The following TNKS2 variants were observed in gnomAD, a reference collection of about 807,000 sequenced individuals.
TNKS2 encodes tankyrase 2.
In TNKS2, 72 loss-of-function variants were observed where a neutral mutation model predicts 137.6. The ratio of observed to expected loss-of-function variants is 0.52; its 90% confidence interval spans 0.43 to 0.64. The LOEUF is 0.64. TNKS2 is among the 30% of genes least tolerant of loss of function. TNKS2 has a pLI of 0.00. For missense variants in TNKS2, 1,049 were observed against 1,410.2 expected (o/e 0.74, Z 4.10); for synonymous variants, 516 against 512.1 (o/e 1.01, Z -0.10).
intron 12 of TNKS2, 169 bp from the exon 13 acceptor site, chr10:91,836,750 T>A: frequency 1.0e-6 from 1 of 985,448 alleles, no homozygotes; most frequent in Non-Finnish European, 1.2e-6. Flanking sequence ...TTTAAGAGAA[T>A]CTTATTTTTC....
At chr10:91,816,141 G>A (rs1490783121) in intron 2 of TNKS2, among the ~76,000 whole-genome samples, 1 of 151,760 alleles carries the variant, frequency 6.6e-6, no homozygotes, top group East Asian at 1.9e-4. Context: ...GTAGAGAGGG[G>A]GTTTCACCAT....
chr10:91,815,828 A>C (rs558370091), intron 2 of TNKS2, among the ~76,000 whole-genome samples: 2 of 152,192 alleles, frequency 1.3e-5, no homozygotes, highest in Non-Finnish European at 2.9e-5. Flanking sequence ...ACAGGAGCTG[A>C]GCTTCCTTTC....
intron 1 of TNKS2, among the ~76,000 whole-genome samples, chr10:91,799,515 G>T (rs940136766): frequency 1.3e-5 from 2 of 152,226 alleles, no homozygotes; most frequent in Admixed American, 6.5e-5. Flanking sequence ...ACACATACAA[G>T]TTGGGCGGAA....
intron 25 of TNKS2, among the ~76,000 whole-genome samples, chr10:91,860,514 G>GA (rs1435501782): frequency 6.6e-6 from 1 of 152,030 alleles, no homozygotes; most frequent in Non-Finnish European, 1.5e-5. Flanking sequence ...CACTGATCTA[G>GA]AAAAAAACCC....
In TNKS2 at chr10:91,807,834, A is replaced by T. The variant is rs543352508; in HGVS notation, c.200-5149A>T. Among the ~76,000 whole-genome samples, 25 of 152,116 alleles carry T rather than the reference A, an allele frequency of 1.6e-4. No homozygotes were observed. The South Asian group carries it at 5.2e-3, about 32-fold the overall frequency. Reference sequence around the variant, plus strand: ...ATGGTGAAACCCCCCCTTTACTAAAAATACAAAAAAAATTAGCCAGGCGTG... The same window carrying T: ...ATGGTGAAACCCCCCCTTTACTAAATATACAAAAAAAATTAGCCAGGCGTG... On this transcript the variant is annotated intron_variant, in intron 1 of 26. Coordinates refer to ENST00000371627, the MANE Select transcript of TNKS2 (RefSeq NM_025235.4).
intron 1 of TNKS2, among the ~76,000 whole-genome samples, chr10:91,805,647 C>T (rs1844302526): frequency 6.6e-6 from 1 of 152,302 alleles, no homozygotes; most frequent in East Asian, 1.9e-4. Flanking sequence ...ACTCTCCTTT[C>T]TGGGGGAGTT....
At position 91,855,073 on chromosome 10, in the gene TNKS2, A is replaced by G. The variant is rs1298071444; in HGVS notation, c.2860A>G (p.Ile954Val). The change falls in exon 22 of 27, where the codon ATT becomes GTT. Residue 954 changes from isoleucine (I) to valine (V), a missense_variant. Coordinates refer to ENST00000371627, the MANE Select transcript of TNKS2 (RefSeq NM_025235.4). ...LTLNTSGSGT[I>V]LIDLSPDDKE... is the part of the protein sequence containing the mutation. The stretch of plus-strand genomic sequence containing the variant: ...TTTGAACACCTCTGGTAGTGGAACA[A>G]TTCTTATAGATCTGTCTCCTGATGA... 2.5e-6 allele frequency: 4 copies of G among 1,612,408 alleles called. No individual in the cohort carries two copies. The South Asian group carries it at 3.3e-5, about 13-fold the overall frequency.
chr10:91,861,543 A>G (rs2133687629), intron 25 of TNKS2, among the ~76,000 whole-genome samples: 1 of 152,378 alleles, frequency 6.6e-6, no homozygotes, highest in Admixed American at 6.5e-5. Flanking sequence ...CCAGGTGAAT[A>G]TTTCAGTGAT....
intron 1 of TNKS2, among the ~76,000 whole-genome samples, chr10:91,810,359 CAG>C (rs931692934): frequency 2.0e-5 from 3 of 151,090 alleles, no homozygotes; most frequent in African/African-American, 7.3e-5. Context: ...GCCTGGGTGA[CAG>C]AGTGAGACTC....
intron 13 of TNKS2, 111 bp downstream of exon 13, chr10:91,837,109 A>G (rs1842049012): frequency 2.0e-6 from 2 of 1,005,422 alleles, no homozygotes; most frequent in East Asian, 2.9e-5. Flanking sequence ...GCCTTGCCTT[A>G]AAAGGTCAAT....
Position 91,840,657 on chromosome 10 carries a change from G to A in TNKS2, c.1624G>A (p.Val542Met), listed in dbSNP as rs143595087. 263 of 1,614,032 alleles carry A rather than the reference G, an allele frequency of 1.6e-4. 1 individual carries two copies. The highest frequency in any genetic ancestry group is 1.2e-4 in the Admixed American group (7 of 60,004). ...AGCTGGGTATAACAGAGTGTCCGTGGTGGAATATCTGCTACAGCATGGAGC... is the reference window on the plus strand; with the variant it reads ...AGCTGGGTATAACAGAGTGTCCGTGATGGAATATCTGCTACAGCATGGAGC... ...FAAGYNRVSVVEYLLQHGADV... is the reference protein window; with the variant it reads ...FAAGYNRVSVMEYLLQHGADV... The change falls in exon 14 of 27, where the codon GTG becomes ATG. Residue 542 changes from valine to methionine, a missense_variant. Val to Met is a conservative substitution (Grantham distance 21). This residue lies in a region of TNKS2 where 328 missense variants were observed against 436.0 expected (regional missense o/e 0.75). Coordinates refer to ENST00000371627, the MANE Select transcript of TNKS2 (RefSeq NM_025235.4).
intron 13 of TNKS2, 31 bp downstream of exon 13, chr10:91,837,029 T>C (rs1349255266): frequency 6.2e-7 from 1 of 1,604,790 alleles, no homozygotes. Flanking sequence ...TCTGTTAACT[T>C]TGGGTTTTTA....
At chr10:91,842,581 C>A (rs955967869) in intron 16 of TNKS2, among the ~76,000 whole-genome samples, 190 bp downstream of exon 16, 1 of 152,048 alleles carries the variant, frequency 6.6e-6, no homozygotes, top group African/African-American at 2.4e-5. Context: ...TGAGAGCAGC[C>A]TGGGCAACAT....
Position 91,836,000 on chromosome 10 carries a change from CGTGTGTGT to C in TNKS2, c.1448-894_1448-887del, listed in dbSNP as rs58777939. ...CAAAGTACTCCTTTCATAAGAATAC[CGTGTGTGT>C]GTGTGTGTGTGTGTGTGTGTGTGTA... is the stretch of plus-strand genomic sequence containing the variant. On this transcript the variant is annotated intron_variant, in intron 12 of 26. Transcript: ENST00000371627. Among the ~76,000 whole-genome samples, 586 of 113,050 alleles carry C rather than the reference CGTGTGTGT, an allele frequency of 5.2e-3. 4 individuals are homozygous for C. Among genetic ancestry groups the C allele is most frequent in the African/African-American group, 0.016 (459 of 28,716 alleles). The allele number at this position is 113,050 out of a possible 152,430, so 74.2% of individuals were successfully genotyped here.
intron 1 of TNKS2, among the ~76,000 whole-genome samples, chr10:91,809,508 T>C (rs1328037544): frequency 2.0e-5 from 3 of 151,552 alleles, no homozygotes; most frequent in Admixed American, 1.3e-4. Flanking sequence ...CTACTAAAAA[T>C]ACAAAAAATT....
chr10:91,821,074 G>T (rs995044751), intron 6 of TNKS2, among the ~76,000 whole-genome samples: 2 of 152,004 alleles, frequency 1.3e-5, no homozygotes, highest in Non-Finnish European at 2.9e-5. Flanking sequence ...GTCTTGCTCT[G>T]TCGCCCAGGC....
At chr10:91,819,878 T>C (rs1844829480) in intron 5 of TNKS2, 61 bp from the exon 6 acceptor site, 1 of 1,340,992 alleles carries the variant, frequency 7.5e-7, no homozygotes, top group South Asian at 1.4e-5. Context: ...GTTTTTTCCC[T>C]CTCACACATT....
intron 7 of TNKS2, among the ~76,000 whole-genome samples, chr10:91,823,362 C>T (rs2901510): frequency 0.7 from 93,110 of 133,850 alleles, 33,310 homozygotes; most frequent in East Asian, 0.91. Flanking sequence ...GAGTCTCGCT[C>T]TGTCGCCCAG....
At position 91,862,933 on chromosome 10, in the gene TNKS2, C is replaced by A; in HGVS notation, c.3439-4C>A. ...CATTATTTGAATTTATCTTTCTCTT[C>A]CAGGCTTATCCTGAGTATTTAATTA... is the stretch of plus-strand genomic sequence containing the variant. On this transcript the variant is annotated splice_polypyrimidine_tract_variant and splice_region_variant and intron_variant, in intron 26 of 26. Coordinates refer to ENST00000371627, the MANE Select transcript of TNKS2 (RefSeq NM_025235.4). 1 of 1,598,846 alleles carries A rather than the reference C, an allele frequency of 6.3e-7. No homozygotes were observed. Among genetic ancestry groups the A allele is most frequent in the Non-Finnish European group, 8.5e-7 (1 of 1,169,970 alleles).
Sources: allele counts gnomAD v4.1 joint callset (sites outside exome capture counted in the v4.1 genomes callset), GRCh38; gene constraint gnomAD v4.1.1; regional missense constraint gnomAD v4.1.1; transcripts MANE v1.5; gene names NCBI Gene and HGNC (gene_info 2026-07-23, HGNC 2026-07-21).